The following ALMS1 variants were observed in gnomAD, a reference collection of about 807,000 sequenced individuals.
ALMS1 encodes centrosome-associated protein ALMS1.
ALMS1 carries 271 observed loss-of-function variants against 352.2 expected under a neutral mutation model. The observed-to-expected ratio is 0.77, with a 90% CI of 0.70 to 0.85. The LOEUF is 0.85. Ranked by LOEUF, ALMS1 falls within the 40% of genes least tolerant of loss-of-function variation. The pLI is 0.00. For synonymous variants in ALMS1, 1,865 were observed against 1,761.2 expected (o/e 1.06, Z -1.48); for missense variants, 5,445 against 4,870.7 (o/e 1.12, Z -3.51).
intron 10 of ALMS1, among the ~76,000 whole-genome samples, chr2:73,494,840 G>A (rs558029156): frequency 6.6e-6 from 1 of 152,316 alleles, no homozygotes; most frequent in Admixed American, 6.5e-5. Context: ...ATTTGAGGGA[G>A]ATTTTGTTAG....
At chr2:73,555,567 C>G (rs1006119483) in intron 13 of ALMS1, among the ~76,000 whole-genome samples, 1 of 152,058 alleles carries the variant, frequency 6.6e-6, no homozygotes, top group South Asian at 2.1e-4. Context: ...AATCAGGACA[C>G]GCAAAGCACC....
chr2:73,499,770 C>A (rs1441148562), intron 10 of ALMS1, among the ~76,000 whole-genome samples: 2 of 152,130 alleles, frequency 1.3e-5, no homozygotes, highest in African/African-American at 2.4e-5. Context: ...GGGGGCAGAT[C>A]CCTCATGAAT....
chr2:73,603,398 A>G (rs1675744159), intron 21 of ALMS1, 94 bp downstream of exon 21: 8 of 1,117,544 alleles, frequency 7.2e-6, no homozygotes, highest in African/African-American at 4.7e-5. Flanking sequence ...AATGTATTAT[A>G]CTCAAGTTTA....
chr2:73,542,173 A>G (rs1023429627), intron 12 of ALMS1, among the ~76,000 whole-genome samples: 5 of 152,230 alleles, frequency 3.3e-5, no homozygotes, highest in East Asian at 1.9e-4. Flanking sequence ...ACTCACCATG[A>G]TGAAGTGGGC....
chr2:73,437,523 G>GT (rs1330393713), intron 7 of ALMS1, among the ~76,000 whole-genome samples: 9 of 152,166 alleles, frequency 5.9e-5, no homozygotes, highest in Non-Finnish European at 1.2e-4. Flanking sequence ...AACAGCCAGT[G>GT]TTCTTTCTTT....
At chr2:73,501,091 A>C (rs1673209708) in intron 10 of ALMS1, among the ~76,000 whole-genome samples, 1 of 152,152 alleles carries the variant, frequency 6.6e-6, no homozygotes, top group Non-Finnish European at 1.5e-5. Flanking sequence ...ATGATGACTA[A>C]TGATGCTGAG....
intron 14 of ALMS1, 130 bp downstream of exon 14, chr2:73,557,484 G>C (rs1170184794): frequency 6.8e-6 from 8 of 1,182,862 alleles, no homozygotes; most frequent in African/African-American, 1.5e-5. Context: ...TCTATCTCAT[G>C]TATATATGAA....
Position 73,599,431 on chromosome 2 carries a change from A to C in ALMS1, c.11578A>C (p.Ile3860Leu). 4 of 1,613,296 alleles carry C rather than the reference A, an allele frequency of 2.5e-6. No individual in the cohort carries two copies. In the South Asian group the frequency reaches 3.3e-5, roughly 13 times the overall value. ...VANHVISSDSISSSASSFLSS... is the reference protein window; with the variant it reads ...VANHVISSDSLSSSASSFLSS... ...AAACCATGTGATTTCTTCTGACTCTATTTCCTCTTCTGCCAGTAGTTTCCT... is the reference window on the plus strand; with the variant it reads ...AAACCATGTGATTTCTTCTGACTCTCTTTCCTCTTCTGCCAGTAGTTTCCT... The change falls in exon 17 of 23, where the codon ATT becomes CTT. Residue 3860 changes from isoleucine (I) to leucine (L), a missense_variant. By Grantham distance (5) the Ile-to-Leu change is conservative. Transcript: ENST00000613296.
chr2:73,467,006 T>G (rs990759864), intron 9 of ALMS1, among the ~76,000 whole-genome samples: 2 of 152,140 alleles, frequency 1.3e-5, no homozygotes, highest in African/African-American at 4.8e-5. Flanking sequence ...ACTACAAAAT[T>G]AATTTGAGAT....
intron 11 of ALMS1, among the ~76,000 whole-genome samples, chr2:73,532,832 G>A (rs763672642): frequency 7.2e-5 from 11 of 152,202 alleles, no homozygotes; most frequent in Non-Finnish European, 1.3e-4. Flanking sequence ...GCTGGGAAAT[G>A]TGCTGGGTCA....
chr2:73,594,556 T>C (rs929415851), intron 16 of ALMS1, among the ~76,000 whole-genome samples: 2 of 152,188 alleles, frequency 1.3e-5, no homozygotes, highest in Non-Finnish European at 2.9e-5. Flanking sequence ...CCATCAACAC[T>C]TCTGCTGCAT....
intron 16 of ALMS1, among the ~76,000 whole-genome samples, chr2:73,574,748 G>C (rs1675017921): frequency 6.6e-6 from 1 of 152,076 alleles, no homozygotes; most frequent in African/African-American, 2.4e-5. Flanking sequence ...GAGAGGGTTT[G>C]TGTGTGTGTA....
At chr2:73,590,296 CTT>C (rs1184658489) in intron 16 of ALMS1, among the ~76,000 whole-genome samples, 1 of 151,974 alleles carries the variant, frequency 6.6e-6, no homozygotes, top group Non-Finnish European at 1.5e-5. Flanking sequence ...TATTTAAAAA[CTT>C]GATTTAAATA....
intron 10 of ALMS1, among the ~76,000 whole-genome samples, chr2:73,506,189 A>G (rs569834004): frequency 1.3e-5 from 2 of 152,276 alleles, no homozygotes; most frequent in Admixed American, 6.5e-5. Context: ...TGGTTCCCGT[A>G]GCCTTGTAGT....
chr2:73,446,946 CT>C (rs1479642037), intron 7 of ALMS1, among the ~76,000 whole-genome samples: 1 of 152,130 alleles, frequency 6.6e-6, no homozygotes. Flanking sequence ...ATAATACTTG[CT>C]CTATATATCA....
rs1233804703 is a variant in ALMS1 at position 73,452,379 on chromosome 2, C to T, written c.5852C>T (p.Ser1951Phe). 2.5e-6 allele frequency: 4 copies of T among 1,613,720 alleles called. No individual in the cohort carries two copies. Among genetic ancestry groups the T allele is most frequent in the East Asian group, 2.2e-5 (1 of 44,816 alleles). ...CGTAGAGAGAAGCCCAGTGTTATCT[C>T]TCAACAGGAGTTGCCAGACAGTCAT... ...YSRREKPSVISQQELPDSHLT... is the reference protein window; with the variant it reads ...YSRREKPSVIFQQELPDSHLT... The change falls in exon 8 of 23, where the codon TCT becomes TTT. Residue 1951 changes from serine to phenylalanine, a missense_variant. By Grantham distance (155) the Ser-to-Phe change is radical. Coordinates refer to ENST00000613296, the MANE Select transcript of ALMS1 (RefSeq NM_001378454.1).
chr2:73,494,369 A>G (rs995863064), intron 10 of ALMS1, among the ~76,000 whole-genome samples: 1 of 152,208 alleles, frequency 6.6e-6, no homozygotes, highest in Non-Finnish European at 1.5e-5. Flanking sequence ...TGAAGCTTCC[A>G]TTTATGTTAA....
At chr2:73,468,921 C>T (rs887893316) in intron 9 of ALMS1, among the ~76,000 whole-genome samples, 19 of 151,938 alleles carry the variant, frequency 1.3e-4, no homozygotes, top group Non-Finnish European at 2.4e-4. Context: ...CTGTCCTCTA[C>T]CCCACAGAAA....
chr2:73,519,729 A>G, intron 10 of ALMS1, 46 bp from the exon 11 acceptor site: 1 of 1,612,080 alleles, frequency 6.2e-7, no homozygotes, highest in Non-Finnish European at 8.5e-7. Flanking sequence ...TCAGTCTCTA[A>G]TGGCCAAGGA....
Sources: gnomAD v4.1 joint callset for allele counts (sites outside exome capture counted in the v4.1 genomes callset) on GRCh38, gnomAD v4.1.1 for gene constraint, MANE v1.5 for transcripts, NCBI Gene and HGNC (gene_info 2026-07-23, HGNC 2026-07-21) for gene names.